Variants in NUP160 observed in about 807,000 individuals in gnomAD.
The protein encoded by NUP160 is nucleoporin 160.
Under a neutral mutation model 196.9 loss-of-function variants are expected in NUP160, and 94 were observed. The observed-to-expected ratio is 0.48, with a 90% confidence interval of 0.40 to 0.57. The LOEUF (loss-of-function observed/expected upper bound fraction) is 0.57, where lower values mean the gene tolerates loss of function less well. NUP160 is among the 20% of genes least tolerant of loss of function. NUP160 has a pLI of 0.00. For synonymous variants in NUP160, 605 were observed against 619.7 expected, an observed-to-expected ratio of 0.98 and a Z score of 0.35; for missense variants, 1,638 against 1,748.3, an observed-to-expected ratio of 0.94 and a Z score of 1.13.
intron 2 of NUP160, among the ~76,000 whole-genome samples, chr11:47,844,992 C>T (rs1467223815): frequency 6.6e-6 from 1 of 152,182 alleles, no homozygotes; most frequent in Admixed American, 6.5e-5. Context: ...TTTACAAATG[C>T]CATGGCAACA....
intron 35 of NUP160, 54 bp from the exon 36 acceptor site, chr11:47,779,248 T>C (rs1301844911): frequency 8.6e-7 from 1 of 1,163,012 alleles, no homozygotes; most frequent in African/African-American, 1.5e-5. Context: ...TGGAAAAATA[T>C]TGAAGTTATT....
At chr11:47,833,837 CA>C (rs199619707) in intron 7 of NUP160, among the ~76,000 whole-genome samples, 18,703 of 152,200 alleles carry the variant, frequency 0.12, 1,676 homozygotes, top group East Asian at 0.31. Flanking sequence ...CACACATCAT[CA>C]CAATTCAGTG....
chr11:47,822,564 TTTTTC>T (rs1241693434), intron 7 of NUP160, among the ~76,000 whole-genome samples: 31 of 151,882 alleles, frequency 2.0e-4, no homozygotes, highest in African/African-American at 3.6e-4. Context: ...CCAAAAATTT[TTTTTC>T]TTTTCTTTTT....
chr11:47,782,719 C>T (rs974140580), intron 34 of NUP160, among the ~76,000 whole-genome samples: 30 of 152,020 alleles, frequency 2.0e-4, no homozygotes, highest in African/African-American at 7.0e-4. Context: ...AGTGCAGTGG[C>T]ATGATCTCGG....
At chr11:47,846,119 G>A (rs1433718127) in intron 2 of NUP160, among the ~76,000 whole-genome samples, 3 of 149,400 alleles carry the variant, frequency 2.0e-5, no homozygotes, top group African/African-American at 7.4e-5. Context: ...CTGGACAATG[G>A]AGCCAGACTG....
chr11:47,784,896 C>T, intron 33 of NUP160, 26 bp downstream of exon 33: 2 of 1,522,810 alleles, frequency 1.3e-6, no homozygotes, highest in South Asian at 1.3e-5. Flanking sequence ...TGGGTTCTTA[C>T]TCTGTACAAG....
intron 27 of NUP160, chr11:47,796,376 C>A: frequency 1.7e-6 from 1 of 577,044 alleles, no homozygotes; most frequent in Non-Finnish European, 3.1e-6. Context: ...TTACAAATTG[C>A]TGTTCTAAAT....
Position 47,812,011 on chromosome 11 carries a change from T to C in NUP160, c.2241+53A>G, listed in dbSNP as rs967032024. 7.7e-6 allele frequency: 12 copies of C among 1,566,626 alleles called. No homozygotes were observed. The South Asian group carries it at 1.1e-4, about 15-fold the overall frequency. On this transcript the variant is annotated intron_variant, in intron 17 of 35. Transcript: ENST00000378460. ...CTGACATTTTGCTCCTAAGTGCTTG[T>C]AGGCCTATAACAGGTTTTAGATTTT...
chr11:47,842,622 C>T lies in NUP160; in HGVS notation c.315-2034G>A, dbSNP rs78239411. Among the ~76,000 whole-genome samples, 562 of 152,240 alleles carry T rather than the reference C, an allele frequency of 3.7e-3. 10 individuals are homozygous for T. The highest frequency in any genetic ancestry group is 0.025 in the East Asian group (129 of 5,174). ...AATCAGATACCACCTGCTACCCATGCTCACTGCAGTTGATTTTAGCTCCTG... is the reference window on the plus strand; with the variant it reads ...AATCAGATACCACCTGCTACCCATGTTCACTGCAGTTGATTTTAGCTCCTG... On this transcript the variant is annotated intron_variant, in intron 2 of 35. Transcript: ENST00000378460.
chr11:47,814,417 C>T (rs1460184129), intron 13 of NUP160, among the ~76,000 whole-genome samples: 1 of 151,892 alleles, frequency 6.6e-6, no homozygotes, highest in Non-Finnish European at 1.5e-5. Context: ...TGGCGCGTGC[C>T]TATAATCCCA....
At position 47,819,371 on chromosome 11, in the gene NUP160, T is replaced by C. The variant is rs1255363016; in HGVS notation, c.1362+3A>G. ...CTTATATAACATTTGAGCATCTACT[T>C]ACTCTGGGGTCTTGATCATCTCTGA... On this transcript the variant is annotated splice_donor_region_variant and intron_variant, in intron 10 of 35. Coordinates refer to ENST00000378460, the Ensembl canonical transcript of NUP160. 1 of 1,594,634 alleles carries C rather than the reference T, an allele frequency of 6.3e-7. No homozygotes were observed.
exon 9 of NUP160, chr11:47,821,810 A>G: frequency 6.2e-7 from 1 of 1,613,514 alleles, no homozygotes; most frequent in Non-Finnish European, 8.5e-7. Context: ...AGGCAAAGTC[A>G]ATCAGTGTCT....
chr11:47,799,077 C>T (rs753598846), intron 23 of NUP160, among the ~76,000 whole-genome samples: 1 of 151,624 alleles, frequency 6.6e-6, no homozygotes, highest in Non-Finnish European at 1.5e-5. Context: ...AGATAATTTA[C>T]TAAATGACTG....
chr11:47,819,378 G>C, exon 10 of NUP160: 1 of 1,603,940 alleles, frequency 6.2e-7, no homozygotes, highest in East Asian at 2.2e-5. Flanking sequence ...ACTTACTCTG[G>C]GGTCTTGATC....
chr11:47,800,824 T>C (rs539494994), intron 23 of NUP160, among the ~76,000 whole-genome samples: 34 of 152,286 alleles, frequency 2.2e-4, no homozygotes, highest in African/African-American at 8.2e-4. Flanking sequence ...GTCTAAAATA[T>C]AAAATCAAGT....
chr11:47,848,373 C>T (rs777836886), exon 1 of NUP160: 32 of 1,608,760 alleles, frequency 2.0e-5, no homozygotes, highest in South Asian at 3.3e-5. Context: ...GCGCGGTCGC[C>T]GTCACTTCCG....
At chr11:47,793,720 C>G (rs2097669189) in intron 27 of NUP160, among the ~76,000 whole-genome samples, 1 of 50,940 alleles carries the variant, frequency 2.0e-5, no homozygotes, top group Non-Finnish European at 3.4e-5. Flanking sequence ...TGTAAGATAT[C>G]TGTTTTTTTT....
intron 27 of NUP160, among the ~76,000 whole-genome samples, chr11:47,793,735 T>G (rs71475991): frequency 0.33 from 42,394 of 126,660 alleles, 8,113 homozygotes; most frequent in Middle Eastern, 0.46. Flanking sequence ...TTTTTTTTTT[T>G]TTTTTTTTTT....
At chr11:47,781,902 A>G (rs937587806) in intron 34 of NUP160, among the ~76,000 whole-genome samples, 8 of 152,188 alleles carry the variant, frequency 5.3e-5, no homozygotes, top group Non-Finnish European at 7.3e-5. Flanking sequence ...ATTTAGTTGT[A>G]TAACTACAGA....
Sources: gnomAD v4.1 joint callset for allele counts (sites outside exome capture counted in the v4.1 genomes callset) on GRCh38, gnomAD v4.1.1 for gene constraint, MANE v1.5 for transcripts, NCBI Gene and HGNC (gene_info 2026-07-23, HGNC 2026-07-21) for gene names.